Variants in ARMC9 observed in about 807,000 individuals in gnomAD.
ARMC9 encodes the protein armadillo repeat containing 9.
ARMC9 carries 94 observed loss-of-function variants against 107.0 expected under a neutral mutation model. The ratio of observed to expected loss-of-function variants is 0.88; its 90% CI spans 0.74 to 1.04. The LOEUF (loss-of-function observed/expected upper bound fraction) is 1.04, where lower values mean the gene tolerates loss of function less well. Among genes scored for constraint, ARMC9 ranks in the 50% least tolerant of loss-of-function variants. The pLI is 0.00. For missense variants in ARMC9, 942 were observed against 1,030.1 expected, an observed-to-expected ratio of 0.91 and a Z score of 1.17; for synonymous variants, 380 against 396.9, an observed-to-expected ratio of 0.96 and a Z score of 0.51.
chr2:231,354,904 C>A (rs1575170772), intron 21 of ARMC9, among the ~76,000 whole-genome samples: 1 of 152,244 alleles, frequency 6.6e-6, no homozygotes, highest in Admixed American at 6.5e-5. Context: ...AGCCAGCTGG[C>A]CCTTGCAACT....
chr2:231,354,304 G>A (rs1206988744), intron 21 of ARMC9, among the ~76,000 whole-genome samples: 1 of 146,112 alleles, frequency 6.8e-6, no homozygotes, highest in Non-Finnish European at 1.5e-5. Flanking sequence ...TGCGCACCTC[G>A]GGAAGACTTT....
At chr2:231,367,152 C>T (rs1412227693) in intron 23 of ARMC9, among the ~76,000 whole-genome samples, 1 of 152,050 alleles carries the variant, frequency 6.6e-6, no homozygotes, top group Non-Finnish European at 1.5e-5. Flanking sequence ...GCCCGGCCAA[C>T]AAAACAAATT....
intron 19 of ARMC9, among the ~76,000 whole-genome samples, chr2:231,308,914 G>A (rs906071175): frequency 3.3e-5 from 5 of 151,472 alleles, no homozygotes; most frequent in South Asian, 2.1e-4. Context: ...TGGCCAGCTC[G>A]CTTGGCATGG....
At chr2:231,325,080 C>T (rs1237218477) in intron 19 of ARMC9, among the ~76,000 whole-genome samples, 1 of 151,930 alleles carries the variant, frequency 6.6e-6, no homozygotes, top group African/African-American at 2.4e-5. Flanking sequence ...AAAAATTAGC[C>T]AGGCGTACTG....
In ARMC9 at chr2:231,206,117, A is replaced by T. The variant is rs1007110180; in HGVS notation, c.-41-81A>T. 4.8e-6 allele frequency: 4 copies of T among 839,398 alleles called. No homozygotes were observed. The South Asian group carries it at 5.6e-5, about 12-fold the overall frequency. The allele number at this position is 839,398 out of a possible 1,614,324, so 52.0% of individuals were successfully genotyped here. The stretch of plus-strand genomic sequence containing the variant: ...CGCATGGATGTCTTTGGGGGCCATT[A>T]TTCTGCTCACCACAACCACCTTTTT... On this transcript the variant is annotated intron_variant, in intron 1 of 24. Coordinates refer to ENST00000611582, the MANE Select transcript of ARMC9 (RefSeq NM_001352754.2).
intron 1 of ARMC9, among the ~76,000 whole-genome samples, chr2:231,205,424 G>C (rs1001223630): frequency 6.6e-6 from 1 of 152,112 alleles, no homozygotes; most frequent in Non-Finnish European, 1.5e-5. Context: ...ATGAAGAAAG[G>C]CTCTGCACTT....
intron 19 of ARMC9, among the ~76,000 whole-genome samples, chr2:231,324,976 C>A (rs1024009128): frequency 1.3e-5 from 2 of 152,078 alleles, no homozygotes; most frequent in South Asian, 2.1e-4. Context: ...GTAATCCCAG[C>A]ACTTTGAGAG....
At chr2:231,356,623 C>T (rs77922949) in intron 22 of ARMC9, among the ~76,000 whole-genome samples, 5,442 of 152,204 alleles carry the variant, frequency 0.036, 358 homozygotes, top group African/African-American at 0.12. Context: ...TGGATTCAGA[C>T]GCTTCCAGGC....
At chr2:231,303,827 C>T (rs929611335) in intron 19 of ARMC9, among the ~76,000 whole-genome samples, 2 of 152,110 alleles carry the variant, frequency 1.3e-5, no homozygotes, top group African/African-American at 2.4e-5. Context: ...ATCCTAGCTA[C>T]TCAGAGGCTG....
intron 1 of ARMC9, among the ~76,000 whole-genome samples, chr2:231,202,760 C>T (rs993829222): frequency 2.6e-5 from 4 of 152,254 alleles, no homozygotes; most frequent in South Asian, 4.2e-4. Flanking sequence ...GAGAGAAACA[C>T]GAAGGGTGAC....
chr2:231,369,288 CT>C (rs563713963), intron 23 of ARMC9, among the ~76,000 whole-genome samples: 54 of 144,000 alleles, frequency 3.8e-4, no homozygotes, highest in African/African-American at 1.4e-3. Flanking sequence ...TCTTTTTTTT[CT>C]TTTTTTTTAT....
At chr2:231,370,149 G>T (rs2045962136) in intron 24 of ARMC9, 24 bp downstream of exon 24, 2 of 1,489,734 alleles carry the variant, frequency 1.3e-6, no homozygotes, top group Admixed American at 4.4e-5. Context: ...GGCCCCACTG[G>T]CGTGGGAGCC....
rs116143245 is a variant in ARMC9 at position 231,255,407 on chromosome 2, C to T, written c.880-1179C>T. Reference sequence around the variant, plus strand: ...GAGAAAATCTTAATAAAGAAAAAAACCAGAATAATATAATGATTCATATTG... The same window carrying T: ...GAGAAAATCTTAATAAAGAAAAAAATCAGAATAATATAATGATTCATATTG... On this transcript the variant is annotated intron_variant, in intron 9 of 24. Coordinates refer to ENST00000611582, the MANE Select transcript of ARMC9 (RefSeq NM_001352754.2). This position sits in a 1 kb window ranked among gnomAD's most constrained non-coding sequence, Gnocchi z 4.7. 0.013 allele frequency among the ~76,000 whole-genome samples: 1,940 copies of T among 152,182 alleles called. 24 individuals carry two copies. The highest frequency in any genetic ancestry group is 0.041 in the Middle Eastern group (12 of 294).
At chr2:231,209,931 G>C (rs755930816) in intron 3 of ARMC9, among the ~76,000 whole-genome samples, 14 of 152,190 alleles carry the variant, frequency 9.2e-5, no homozygotes, top group Non-Finnish European at 1.9e-4. Flanking sequence ...TGATCTTCCT[G>C]CCTCAACCTC....
intron 1 of ARMC9, among the ~76,000 whole-genome samples, chr2:231,202,150 C>T (rs1234679570): frequency 1.3e-5 from 2 of 151,900 alleles, no homozygotes; most frequent in Admixed American, 1.3e-4. Flanking sequence ...CAGGTGCCTG[C>T]CACCACACCC....
intron 7 of ARMC9, among the ~76,000 whole-genome samples, chr2:231,231,328 A>G (rs2035192440): frequency 6.6e-6 from 1 of 152,186 alleles, no homozygotes; most frequent in Non-Finnish European, 1.5e-5. Context: ...TAGAATTTTC[A>G]TCTTTGAAAG....
chr2:231,281,570 C>T (rs1307961431), intron 16 of ARMC9, among the ~76,000 whole-genome samples: 2 of 152,092 alleles, frequency 1.3e-5, no homozygotes, highest in Admixed American at 1.3e-4. Flanking sequence ...TCGATGGTTA[C>T]ATTAAAGGGT....
At chr2:231,309,065 T>A (rs2042193052) in intron 19 of ARMC9, among the ~76,000 whole-genome samples, 1 of 152,266 alleles carries the variant, frequency 6.6e-6, no homozygotes, top group South Asian at 2.1e-4. Flanking sequence ...TGTTTCCCAA[T>A]TAAGGCTTTT....
chr2:231,229,457 G>A lies in ARMC9; in HGVS notation c.622+2659G>A, dbSNP rs116400341. ...AGAAACTTCTCTCAGAAGGAATTAC[G>A]TTTGAAATGCTGTGTGGAATAAAAA... is the stretch of plus-strand genomic sequence containing the variant. On this transcript the variant is annotated intron_variant, in intron 7 of 24. Transcript: ENST00000611582. Among the ~76,000 whole-genome samples, 911 of 152,268 alleles carry A rather than the reference G, an allele frequency of 6.0e-3. 9 individuals are homozygous for A. Among genetic ancestry groups the A allele is most frequent in the African/African-American group, 0.021 (875 of 41,546 alleles).
Sources: allele counts gnomAD v4.1 joint callset (sites outside exome capture counted in the v4.1 genomes callset), GRCh38; gene constraint gnomAD v4.1.1; non-coding constraint Gnocchi (gnomAD v3.1); transcripts MANE v1.5; gene names NCBI Gene and HGNC (gene_info 2026-07-23, HGNC 2026-07-21).